LAMA5: variants seen among roughly 807,000 people sequenced by gnomAD.
LAMA5 encodes the protein laminin subunit alpha-5.
A neutral mutation model predicts 433.4 loss-of-function variants in LAMA5; 260 were observed. The observed-to-expected ratio is 0.60, with a 90% CI of 0.54 to 0.66. The LOEUF (loss-of-function observed/expected upper bound fraction) is 0.66. LAMA5 is among the 30% of genes least tolerant of loss of function. The pLI is 0.00. For synonymous variants in LAMA5, 2,620 were observed against 2,226.6 expected (o/e 1.18, Z -4.97); for missense variants, 5,378 against 5,258.5 (o/e 1.02, Z -0.70).
rs1404405573 is a variant in LAMA5, at chr20:62,309,383, C to T, written c.11041G>A (p.Val3681Met). ...NRSPVAMTRS[V>M]EVHGAVGASG... The stretch of plus-strand genomic sequence containing the variant: ...GCCCCCACTGCCCCGTGGACCTCCA[C>T]AGAGCGAGTCATGGCGACGGGGGAC... The change falls in exon 80 of 80, where the codon GTG (valine) becomes ATG (methionine). Residue 3681 changes from valine (V) to methionine (M), a missense_variant. Transcript: ENST00000252999. 1.9e-6 allele frequency: 3 copies of T among 1,590,466 alleles called. No homozygotes were observed. The highest frequency in any genetic ancestry group is 2.2e-5 in the South Asian group (2 of 88,938).
intron 70 of LAMA5, 32 bp from the exon 71 acceptor site, chr20:62,311,816 T>TTGGGCCCCC: frequency 9.9e-6 from 15 of 1,520,976 alleles, no homozygotes; most frequent in Admixed American, 1.9e-5. Context: ...GCTCGGTTTT[T>TTGGGCCCCC]CCCCACCCTG....
chr20:62,346,075 G>A lies in LAMA5; in HGVS notation c.1417+6C>T, dbSNP rs776056067. The A allele has an allele frequency of 4.3e-6, 7 of 1,612,954 alleles. No individual in the cohort carries two copies. The highest frequency in any genetic ancestry group is 5.1e-6 in the Non-Finnish European group (6 of 1,179,938). ...GTCTGTTTGGATGCCCCTGGCAGGT[G>A]CTCACGGTAGCAGCTTGGGAAGCCC... is the stretch of plus-strand genomic sequence containing the variant. On this transcript the variant is annotated splice_donor_region_variant and intron_variant, in intron 10 of 79. Transcript: ENST00000252999.
intron 2 of LAMA5, among the ~76,000 whole-genome samples, chr20:62,357,919 C>CCAGGT (rs1303195717): frequency 6.6e-6 from 1 of 152,236 alleles, no homozygotes; most frequent in Non-Finnish European, 1.5e-5. Flanking sequence ...GCAGCCCAGC[C>CCAGGT]CAGGTCAGGC....
In LAMA5 at chr20:62,327,255, G is replaced by A; in HGVS notation, c.5090C>T (p.Pro1697Leu). 6.5e-7 allele frequency: 1 copy of A among 1,528,184 alleles called. No individual in the cohort carries two copies. Among genetic ancestry groups the A allele is most frequent in the Non-Finnish European group, 8.8e-7 (1 of 1,139,432 alleles). The allele number at this position is 1,528,184 out of a possible 1,614,324, so 94.7% of individuals were successfully genotyped here. A position where few individuals can be genotyped will look rare whatever the true frequency, so the allele number is the denominator to read the frequency against. ...TACCCGGTCCCCCAGGTAGGAGGGTGGGGCCTGCCAGTACAGCTCGGGGAA... is the reference window on the plus strand; with the variant it reads ...TACCCGGTCCCCCAGGTAGGAGGGTAGGGCCTGCCAGTACAGCTCGGGGAA... ...EAFPELYWQA[P>L]PSYLGDRVSS... Residue 1697 changes from proline (P) to leucine (L), a missense_variant, in exon 38 of 80, where the codon CCA (proline) becomes CTA (leucine). Physicochemically the swap from Pro to Leu is moderately conservative, Grantham distance 98 (BLOSUM62 -3). Coordinates refer to ENST00000252999, the MANE Select transcript of LAMA5 (RefSeq NM_005560.6).
At position 62,312,179 on chromosome 20, in the gene LAMA5, C is replaced by A; in HGVS notation, c.9498G>T (p.Ala3166=). The part of the protein sequence containing the change: ...AQDSALLYYR[A]SPDGLCQVSL... ...CACGGGTGTGAGGTCTCACCGGGGACGCCCGGTAGTAGAGCAGGGCACTGT... is the reference window on the plus strand; with the variant it reads ...CACGGGTGTGAGGTCTCACCGGGGAAGCCCGGTAGTAGAGCAGGGCACTGT... The change falls in exon 69 of 80, where the codon GCG becomes GCT. Residue 3166 remains alanine, a synonymous_variant. Transcript: ENST00000252999. 2 of 1,610,466 alleles carry A rather than the reference C, an allele frequency of 1.2e-6. No homozygotes were observed. The highest frequency in any genetic ancestry group is 1.7e-6 in the Non-Finnish European group (2 of 1,179,134).
chr20:62,338,019 G>A lies in LAMA5; in HGVS notation c.1888C>T (p.Gln630Ter). Reference protein sequence around the residue: ...RPGYHGFPNCQACTCDPRGAL... With the variant: ...RPGYHGFPNC ...CCTGCCCTGACCCTCTGCTCACCTT[G>A]GCAGTTGGGGAAACCATGGTAGCCA... The change falls in exon 14 of 80, where the codon CAA (glutamine) becomes TAA (stop). Residue 630 changes from glutamine (Q) to a stop codon, truncating the protein, a stop_gained. Transcript: ENST00000252999. LOFTEE classifies it high-confidence loss of function. 1 of 1,596,700 alleles carries A rather than the reference G, an allele frequency of 6.3e-7. No individual in the cohort carries two copies. The highest frequency in any genetic ancestry group is 8.6e-7 in the Non-Finnish European group (1 of 1,169,556).
At position 62,316,654 on chromosome 20, in the gene LAMA5, C is replaced by G. The variant is rs752893008; in HGVS notation, c.7756+17G>C. ...GCCCAGCAGGCCTAAGGGCCCCCATCGGAGCCCAGCACTCACCAAGGCCCA... is the reference window on the plus strand; with the variant it reads ...GCCCAGCAGGCCTAAGGGCCCCCATGGGAGCCCAGCACTCACCAAGGCCCA... On this transcript the variant is annotated intron_variant, in intron 57 of 79. Transcript: ENST00000252999. 2.0e-6 allele frequency: 3 copies of G among 1,526,142 alleles called. No homozygotes were observed. The highest frequency in any genetic ancestry group is 2.0e-4 in the Middle Eastern group (1 of 5,070). The allele number at this position is 1,526,142 out of a possible 1,614,324, so 94.5% of individuals were successfully genotyped here.
chr20:62,311,441 G>A lies in LAMA5; in HGVS notation c.9902C>T (p.Pro3301Leu), dbSNP rs576584555. Residue 3301 changes from proline (P) to leucine (L), a missense_variant, in exon 72 of 80, where the codon CCG becomes CTG. Pro to Leu is a moderately conservative substitution (Grantham distance 98). Coordinates refer to ENST00000252999, the MANE Select transcript of LAMA5 (RefSeq NM_005560.6). ...GCAPALQAQT[P>L]GLGPRGLQAT... ...CTGCAGTCCTCTAGGCCCCAGGCCC[G>A]GGGTCTGGGCTTGCAGGGCGGGTGC... is the stretch of plus-strand genomic sequence containing the variant. 4.3e-5 allele frequency: 69 copies of A among 1,599,148 alleles called. No individual in the cohort carries two copies. Among genetic ancestry groups the A allele is most frequent in the Middle Eastern group, 1.7e-4 (1 of 6,010 alleles).
chr20:62,314,409 C>T lies in LAMA5; in HGVS notation c.8399G>A (p.Arg2800His), dbSNP rs142801594. Residue 2800 changes from arginine (R) to histidine (H), a missense_variant, in exon 62 of 80, where the codon CGT becomes CAT. By Grantham distance (29) the Arg-to-His change is conservative. Coordinates refer to ENST00000252999, the MANE Select transcript of LAMA5 (RefSeq NM_005560.6). Reference sequence around the variant, plus strand: ...ATACACCCAGTGCACCTTCTTGTCACGCAGAGACACACCCATGTAGTCCCC... The same window carrying T: ...ATACACCCAGTGCACCTTCTTGTCATGCAGAGACACACCCATGTAGTCCCC... Reference protein sequence around the residue: ...ATGDYMGVSLRDKKVHWVYQL... With the variant: ...ATGDYMGVSLHDKKVHWVYQL... The T allele has an allele frequency of 1.1e-4, 177 of 1,613,488 alleles. No individual in the cohort carries two copies. The African/African-American group carries it at 1.2e-3, about 11-fold the overall frequency.
chr20:62,349,270 CAAAAAAAAAAA>C (rs35537683), intron 6 of LAMA5, among the ~76,000 whole-genome samples: 1 of 46,588 alleles, frequency 2.1e-5, no homozygotes, highest in Admixed American at 3.9e-4. Flanking sequence ...GACTCCATCT[CAAAAAAAAAAA>C]AAAAAAAAAA....
rs776059336 is a variant in LAMA5 at position 62,329,844 on chromosome 20, A to T, written c.4052T>A (p.Leu1351Gln). 3 of 1,612,534 alleles carry T rather than the reference A, an allele frequency of 1.9e-6. No individual in the cohort carries two copies. The highest frequency in any genetic ancestry group is 2.5e-6 in the Non-Finnish European group (3 of 1,179,864). ...RTLVVCEGQALLDVTHSELTV... is the reference protein window; with the variant it reads ...RTLVVCEGQAQLDVTHSELTV... ...GAGCTCGCTGTGGGTCACGTCCAGC[A>T]GGGCCTGGCCCTCACACACCACCAG... The change falls in exon 32 of 80, where the codon CTG (leucine) becomes CAG (glutamine). Residue 1351 changes from leucine to glutamine, a missense_variant. By Grantham distance (113) the Leu-to-Gln change is moderately radical (BLOSUM62 -2). Transcript: ENST00000252999.
chr20:62,362,925 A>C (rs1986311186), intron 1 of LAMA5, among the ~76,000 whole-genome samples: 1 of 152,070 alleles, frequency 6.6e-6, no homozygotes, highest in Admixed American at 6.5e-5. Context: ...CCCTGGGGGC[A>C]GGAAGAGTCT....
At chr20:62,334,879 A>G (rs1981280069) in intron 20 of LAMA5, 142 bp downstream of exon 20, 2 of 787,478 alleles carry the variant, frequency 2.5e-6, no homozygotes, top group Non-Finnish European at 4.1e-6. Context: ...ACACCCTGGC[A>G]CAGGCTGGCA....
chr20:62,360,109 A>C (rs1297269307), intron 2 of LAMA5, among the ~76,000 whole-genome samples: 1 of 142,648 alleles, frequency 7.0e-6, no homozygotes, highest in African/African-American at 2.7e-5. Context: ...TCCCCACCCC[A>C]CTCCAGGGAG....
intron 53 of LAMA5, 70 bp downstream of exon 53, chr20:62,318,384 G>C (rs552390011): frequency 8.2e-7 from 1 of 1,212,284 alleles, no homozygotes; most frequent in African/African-American, 1.6e-5. Context: ...GGGAGGAGCC[G>C]GAGAGGAGAG....
chr20:62,322,880 A>G lies in LAMA5; in HGVS notation c.6065-122T>C. The G allele has an allele frequency of 4.9e-6, 3 of 613,618 alleles. No homozygotes were observed. In the South Asian group the frequency reaches 6.7e-5, roughly 14 times the overall value. The allele number at this position is 613,618 out of a possible 1,614,324, so 38.0% of individuals were successfully genotyped here. A position where few individuals can be genotyped will look rare whatever the true frequency, so the allele number is the denominator to read the frequency against. On this transcript the variant is annotated intron_variant, in intron 45 of 79. Coordinates refer to ENST00000252999, the MANE Select transcript of LAMA5 (RefSeq NM_005560.6). Reference sequence around the variant, plus strand: ...GTGTCTCCTCCAGGCCGCCCGGACCACCCGGCTACCCACTCGTGTCCCAGC... The same window carrying G: ...GTGTCTCCTCCAGGCCGCCCGGACCGCCCGGCTACCCACTCGTGTCCCAGC...
intron 2 of LAMA5, among the ~76,000 whole-genome samples, chr20:62,354,039 CT>C (rs1984779657): frequency 6.6e-6 from 1 of 152,152 alleles, no homozygotes; most frequent in East Asian, 1.9e-4. Flanking sequence ...CTTCCCAGGC[CT>C]CCGAAACCCC....
chr20:62,331,061 G>C lies in LAMA5; in HGVS notation c.3621C>G (p.Ile1207Met), dbSNP rs750388907. 2.5e-6 allele frequency: 4 copies of C among 1,603,586 alleles called. No homozygotes were observed. Among genetic ancestry groups the C allele is most frequent in the Middle Eastern group, 1.7e-4 (1 of 6,036 alleles). ...TGGGGCCAAAGGCGCCGTGGCTGCT[G>C]ATGCAGCTGACCCGGGGCTCCACGA... ...PEFVEPRVSC[I>M]SSHGAFGPNS... The change falls in exon 29 of 80, where the codon ATC becomes ATG. Residue 1207 changes from isoleucine (I) to methionine (M), a missense_variant. Ile to Met is a conservative substitution (Grantham distance 10, BLOSUM62 1). Transcript: ENST00000252999.
rs1986468658 is a variant in LAMA5 at position 62,312,868 on chromosome 20, G to C, written c.9078+20C>G. 1.3e-6 allele frequency: 2 copies of C among 1,599,064 alleles called. No homozygotes were observed. On this transcript the variant is annotated intron_variant, in intron 66 of 79. Transcript: ENST00000252999. The stretch of plus-strand genomic sequence containing the variant: ...TTCCATCTCCTCTCCCTGCCACCCT[G>C]GTCCCCACCCTGGCCCTACCGCCTT...
Sources: gnomAD v4.1 joint callset for allele counts (sites outside exome capture counted in the v4.1 genomes callset) on GRCh38, gnomAD v4.1.1 for gene constraint, MANE v1.5 for transcripts, NCBI Gene and HGNC (gene_info 2026-07-23, HGNC 2026-07-21) for gene names.